Variants in AGBL4 observed in about 807,000 individuals in gnomAD.
AGBL4 encodes AGBL carboxypeptidase 4, also known as cytosolic carboxypeptidase 6.
In AGBL4, 58 loss-of-function variants were observed where a neutral mutation model predicts 66.4. That is an observed-to-expected ratio of 0.87 (90% CI 0.71 to 1.09). AGBL4 has a LOEUF of 1.09. AGBL4 is among the 50% of genes least tolerant of loss of function. The pLI is 0.00. For synonymous variants in AGBL4, 234 were observed against 222.9 expected (o/e 1.05, Z -0.44); for missense variants, 579 against 631.0 (o/e 0.92, Z 0.88).
intron 2 of AGBL4, among the ~76,000 whole-genome samples, chr1:49,802,984 A>G (rs998818261): frequency 3.3e-5 from 5 of 152,090 alleles, no homozygotes; most frequent in Non-Finnish European, 5.9e-5. Context: ...TATCTGCTTT[A>G]CAATTTCAAA....
At chr1:48,605,404 A>G (rs1206067752) in intron 9 of AGBL4, among the ~76,000 whole-genome samples, 1 of 152,064 alleles carries the variant, frequency 6.6e-6, no homozygotes, top group African/African-American at 2.4e-5. Context: ...TGTGCCCTCC[A>G]AGGCTTTGCT....
intron 1 of AGBL4, among the ~76,000 whole-genome samples, chr1:49,964,547 A>G (rs1399340809): frequency 6.6e-6 from 1 of 152,156 alleles, no homozygotes; most frequent in East Asian, 1.9e-4. Flanking sequence ...TCAGGATTGT[A>G]CAGAATATAA....
chr1:49,982,393 GC>G (rs1181732900), intron 1 of AGBL4, among the ~76,000 whole-genome samples: 1 of 152,202 alleles, frequency 6.6e-6, no homozygotes, highest in Admixed American at 6.5e-5. Flanking sequence ...TGACACACCA[GC>G]CCCCTGCCAC....
At chr1:49,414,642 C>T (rs1181207374) in intron 3 of AGBL4, among the ~76,000 whole-genome samples, 1 of 152,112 alleles carries the variant, frequency 6.6e-6, no homozygotes, top group African/African-American at 2.4e-5. Flanking sequence ...AGCACCATTG[C>T]TATAAGAGTG....
At chr1:48,698,799 C>T (rs143484113) in intron 6 of AGBL4, among the ~76,000 whole-genome samples, 1 of 152,290 alleles carries the variant, frequency 6.6e-6, no homozygotes, top group East Asian at 1.9e-4. Flanking sequence ...CGAGGTAATG[C>T]TGTTGTCCTA....
At position 49,491,930 on chromosome 1, in the gene AGBL4, G is replaced by A. The variant is rs149750313; in HGVS notation, c.282+205383C>T. On this transcript the variant is annotated intron_variant, in intron 3 of 13. Transcript: ENST00000371839. ...CCAATACATACATATCTTTCATAAA[G>A]TTTAAATTATAAATTAGGCACAGTT... 2.6e-3 allele frequency among the ~76,000 whole-genome samples: 402 copies of A among 151,938 alleles called. 1 individual carries two copies. The highest frequency in any genetic ancestry group is 9.2e-3 in the African/African-American group (383 of 41,500).
chr1:49,870,520 T>C (rs1390027914), intron 1 of AGBL4, among the ~76,000 whole-genome samples: 1 of 151,032 alleles, frequency 6.6e-6, no homozygotes, highest in Non-Finnish European at 1.5e-5. Context: ...TATTACACAT[T>C]GCATGCCTGT....
intron 1 of AGBL4, among the ~76,000 whole-genome samples, chr1:49,938,935 T>C (rs1268457507): frequency 3.3e-5 from 5 of 152,060 alleles, no homozygotes; most frequent in Non-Finnish European, 1.5e-5. Context: ...GACGACATGA[T>C]TGTATATCTA....
At chr1:48,620,552 C>T (rs1412772054) in intron 9 of AGBL4, among the ~76,000 whole-genome samples, 3 of 152,182 alleles carry the variant, frequency 2.0e-5, no homozygotes, top group Non-Finnish European at 4.4e-5. Context: ...CAAGAGCCAC[C>T]ATGCCTGGCC....
intron 5 of AGBL4, among the ~76,000 whole-genome samples, chr1:48,924,486 C>T (rs942871271): frequency 2.0e-5 from 3 of 152,084 alleles, no homozygotes; most frequent in Non-Finnish European, 4.4e-5. Flanking sequence ...TGGTGAATAT[C>T]ACAGTCCTTC....
intron 3 of AGBL4, among the ~76,000 whole-genome samples, chr1:49,631,807 AAG>A (rs570153728): frequency 8.3e-4 from 127 of 152,350 alleles, no homozygotes; most frequent in African/African-American, 2.9e-3. Flanking sequence ...ACATGGTTCT[AAG>A]AGAGTTACAT....
At chr1:49,142,122 G>C (rs903598804) in intron 4 of AGBL4, among the ~76,000 whole-genome samples, 1 of 152,056 alleles carries the variant, frequency 6.6e-6, no homozygotes, top group Non-Finnish European at 1.5e-5. Flanking sequence ...TAGGTTGCAC[G>C]CTTCTTATTG....
At chr1:48,648,017 G>A (rs1292450037) in intron 8 of AGBL4, among the ~76,000 whole-genome samples, 1 of 152,126 alleles carries the variant, frequency 6.6e-6, no homozygotes, top group Non-Finnish European at 1.5e-5. Flanking sequence ...CCATTGTATT[G>A]TCAGTAGCCA....
At chr1:49,936,906 C>T (rs1208886762) in intron 1 of AGBL4, among the ~76,000 whole-genome samples, 2 of 152,140 alleles carry the variant, frequency 1.3e-5, no homozygotes, top group Admixed American at 6.6e-5. Flanking sequence ...TACAGACCAT[C>T]GAGGCTAGGA....
At chr1:49,412,820 G>A (rs887225175) in intron 3 of AGBL4, among the ~76,000 whole-genome samples, 8 of 152,068 alleles carry the variant, frequency 5.3e-5, no homozygotes, top group African/African-American at 1.9e-4. Flanking sequence ...ACACTTAAGG[G>A]CCCTCAAAAG....
chr1:48,803,161 C>G (rs1220074723), intron 6 of AGBL4, among the ~76,000 whole-genome samples: 6 of 152,220 alleles, frequency 3.9e-5, no homozygotes, highest in African/African-American at 1.4e-4. Context: ...AGCATCTCCT[C>G]TTGTGTAGAG....
chr1:49,371,286 TACAC>T (rs35387440), intron 3 of AGBL4, among the ~76,000 whole-genome samples: 1 of 145,722 alleles, frequency 6.9e-6, no homozygotes, highest in African/African-American at 2.6e-5. Flanking sequence ...CATACATACA[TACAC>T]ACACACACAT....
chr1:48,903,068 T>TA (rs1387059276), intron 5 of AGBL4, among the ~76,000 whole-genome samples: 1 of 152,236 alleles, frequency 6.6e-6, no homozygotes, highest in East Asian at 1.9e-4. Context: ...ACTTGCTTCT[T>TA]ATAATGTCAT....
chr1:49,039,482 G>A (rs955288431), intron 5 of AGBL4, among the ~76,000 whole-genome samples: 48 of 152,104 alleles, frequency 3.2e-4, no homozygotes, highest in African/African-American at 1.1e-3. Flanking sequence ...TCTCAATTTT[G>A]CTGTGAAACT....
Sources: allele counts gnomAD v4.1 joint callset (sites outside exome capture counted in the v4.1 genomes callset), GRCh38; gene constraint gnomAD v4.1.1; transcripts MANE v1.5; gene names NCBI Gene and HGNC (gene_info 2026-07-23, HGNC 2026-07-21).